The following DMD variants were observed in gnomAD, a reference collection of about 807,000 sequenced individuals.
The protein encoded by DMD is dystrophin.
In DMD, 63 loss-of-function variants were observed where a neutral mutation model predicts 330.1. The ratio of observed to expected loss-of-function variants is 0.19; its 90% CI spans 0.16 to 0.24. The LOEUF (loss-of-function observed/expected upper bound fraction) is 0.24. DMD is among the 10% of genes least tolerant of loss of function. The probability of loss-of-function intolerance (pLI) is 1.00; values close to 1 mark genes in which losing one functional copy is unlikely to be tolerated. For missense variants in DMD, 3,344 were observed against 2,684.1 expected (o/e 1.25, Z -5.43); for synonymous variants, 1,223 against 959.8 (o/e 1.27, Z -5.07).
chrX:31,852,695 C>T (rs1267218075), intron 48 of DMD, among the ~76,000 whole-genome samples: 3 of 111,482 alleles, frequency 2.7e-5, no homozygotes, highest in Non-Finnish European at 5.6e-5. Flanking sequence ...AATTATTCCA[C>T]AATGTAAACA....
chrX:32,929,638 G>A (rs2089410866), intron 2 of DMD, among the ~76,000 whole-genome samples: 1 of 110,921 alleles, frequency 9.0e-6, no homozygotes, highest in Non-Finnish European at 1.9e-5. Flanking sequence ...AGGTATGCAC[G>A]TGCTATGGTG....
intron 23 of DMD, 94 bp downstream of exon 23, chrX:32,468,404 G>C: frequency 2.5e-6 from 2 of 797,407 alleles, no homozygotes; most frequent in Non-Finnish European, 3.7e-6. Context: ...GATGCTGAAG[G>C]TCAAATGCTT....
chrX:31,843,885 C>T (rs2093363458), intron 48 of DMD, among the ~76,000 whole-genome samples: 3 of 60,459 alleles, frequency 5.0e-5, no homozygotes, highest in African/African-American at 2.1e-4. Flanking sequence ...GACGGAGTCT[C>T]GCTCTGTTGT....
At chrX:32,527,053 C>T (rs2046996050) in intron 17 of DMD, among the ~76,000 whole-genome samples, 1 of 111,845 alleles carries the variant, frequency 8.9e-6, no homozygotes, top group African/African-American at 3.3e-5. Flanking sequence ...GGCCATTTTA[C>T]ATATTTAAAC....
intron 55 of DMD, among the ~76,000 whole-genome samples, chrX:31,589,981 C>T (rs887029529): frequency 2.7e-5 from 3 of 110,998 alleles, no homozygotes; most frequent in Non-Finnish European, 5.7e-5. Context: ...AAGCCATGTG[C>T]CATGTAATAA....
At position 31,723,092 on chromosome X, in the gene DMD, G is replaced by A. The variant is rs181326737; in HGVS notation, c.7660+6539C>T. Among the ~76,000 whole-genome samples, 24 of 105,594 alleles carry A rather than the reference G, an allele frequency of 2.3e-4. 1 individual carries two copies. The highest frequency in any genetic ancestry group is 7.6e-4 in the African/African-American group (22 of 28,931). 91.7% of individuals were successfully genotyped at this position (105,594 alleles called of 115,157 possible). A position where few individuals can be genotyped will look rare whatever the true frequency, so the allele number is the denominator to read the frequency against. On this transcript the variant is annotated intron_variant, in intron 52 of 78. Coordinates refer to ENST00000357033, the MANE Select transcript of DMD (RefSeq NM_004006.3). ...GTGTGTGTCTAAATGCTTCTATATTGTAAGTTGGCAGGGTTGGGGGTTGTG... is the reference window on the plus strand; with the variant it reads ...GTGTGTGTCTAAATGCTTCTATATTATAAGTTGGCAGGGTTGGGGGTTGTG...
intron 1 of DMD, among the ~76,000 whole-genome samples, chrX:33,271,339 A>G (rs1231838317): frequency 9.0e-6 from 1 of 110,748 alleles, no homozygotes; most frequent in Non-Finnish European, 1.9e-5. Context: ...CCTTAATTTT[A>G]CCTAAAACTA....
intron 63 of DMD, among the ~76,000 whole-genome samples, chrX:31,253,240 T>C (rs1255140475): frequency 2.7e-5 from 3 of 112,304 alleles, no homozygotes; most frequent in East Asian, 2.8e-4. Flanking sequence ...GGCATCTGAA[T>C]CTAGCTATCC....
chrX:31,451,113 T>C (rs1024404817), intron 59 of DMD, among the ~76,000 whole-genome samples: 3 of 108,618 alleles, frequency 2.8e-5, no homozygotes, highest in African/African-American at 6.7e-5. Flanking sequence ...TTTTTTTTTT[T>C]CAGGAGACTT....
At chrX:32,783,456 T>TA (rs947210786) in intron 7 of DMD, among the ~76,000 whole-genome samples, 1 of 107,078 alleles carries the variant, frequency 9.3e-6, no homozygotes, top group South Asian at 4.0e-4. Flanking sequence ...GTTTCCCAAA[T>TA]AAAAAAATAT....
intron 51 of DMD, among the ~76,000 whole-genome samples, chrX:31,759,679 T>C (rs979433414): frequency 8.9e-6 from 1 of 111,888 alleles, no homozygotes; most frequent in Non-Finnish European, 1.9e-5. Flanking sequence ...TATAAATTAC[T>C]ATATGTAAAG....
chrX:31,378,598 C>G (rs2060003202), intron 60 of DMD, among the ~76,000 whole-genome samples: 1 of 109,884 alleles, frequency 9.1e-6, no homozygotes, highest in African/African-American at 3.3e-5. Context: ...GGACGCCTGC[C>G]TTGGTCCTTC....
intron 1 of DMD, among the ~76,000 whole-genome samples, chrX:33,203,919 T>C (rs1393985479): frequency 9.0e-6 from 1 of 111,603 alleles, no homozygotes; most frequent in Middle Eastern, 4.2e-3. Flanking sequence ...GGCACCATTA[T>C]CCACCCAGGT....
intron 44 of DMD, among the ~76,000 whole-genome samples, chrX:32,191,840 A>G (rs1441155995): frequency 8.9e-6 from 1 of 111,992 alleles, no homozygotes; most frequent in African/African-American, 3.2e-5. Flanking sequence ...CCTATAAATC[A>G]TCAGTACAGA....
chrX:31,854,645 C>A (rs1569480320), intron 48 of DMD, among the ~76,000 whole-genome samples: 1 of 111,825 alleles, frequency 8.9e-6, no homozygotes, highest in Non-Finnish European at 1.9e-5. Context: ...GAGGCAAATC[C>A]TGCATACATA....
At chrX:32,769,985 G>A (rs1004992261) in intron 7 of DMD, among the ~76,000 whole-genome samples, 19 of 111,928 alleles carry the variant, frequency 1.7e-4, no homozygotes, top group African/African-American at 6.2e-4. Context: ...GACTATGCAT[G>A]AAGTACTAAG....
Position 32,889,712 on chromosome X carries a change from G to C in DMD, c.94-39892C>G, listed in dbSNP as rs183608026. 3.0e-4 allele frequency among the ~76,000 whole-genome samples: 33 copies of C among 110,369 alleles called. 1 individual carries two copies. The East Asian group carries it at 9.2e-3, about 31-fold the overall frequency. ...ACTTTGTGAGATCCACCCCCTGCTC[G>C]CAAAACATCGCTCCTAACTCCACCG... is the stretch of plus-strand genomic sequence containing the variant. On this transcript the variant is annotated intron_variant, in intron 2 of 78. Coordinates refer to ENST00000357033, the MANE Select transcript of DMD (RefSeq NM_004006.3).
intron 17 of DMD, among the ~76,000 whole-genome samples, chrX:32,541,997 G>C (rs1040914956): frequency 8.9e-6 from 1 of 111,817 alleles, no homozygotes; most frequent in Non-Finnish European, 1.9e-5. Context: ...CATTGAGGCA[G>C]TTGCTGGATG....
chrX:33,123,555 T>A (rs895528296), intron 1 of DMD, among the ~76,000 whole-genome samples: 2 of 109,735 alleles, frequency 1.8e-5, no homozygotes, highest in Non-Finnish European at 3.8e-5. Context: ...TAGCTGGGAT[T>A]TCAGGAACCT....
Sources: gnomAD v4.1 joint callset for allele counts (sites outside exome capture counted in the v4.1 genomes callset) on GRCh38, gnomAD v4.1.1 for gene constraint, MANE v1.5 for transcripts, NCBI Gene and HGNC (gene_info 2026-07-23, HGNC 2026-07-21) for gene names.